Variants in BCAT1 observed in about 807,000 individuals in gnomAD.
BCAT1 encodes the protein branched chain amino acid transaminase 1, also known as branched-chain-amino-acid aminotransferase, cytosolic.
In BCAT1, 48 loss-of-function variants were observed where a neutral mutation model predicts 52.4. The observed-to-expected ratio is 0.92, with a 90% confidence interval of 0.73 to 1.16. The LOEUF is 1.16. BCAT1 is among the 50% of genes most tolerant of loss of function. The pLI, the probability that BCAT1 is intolerant of heterozygous loss-of-function variation, is 0.00. For synonymous variants in BCAT1, 167 were observed against 161.3 expected (o/e 1.04, Z -0.27); for missense variants, 451 against 457.1 (o/e 0.99, Z 0.12).
At chr12:24,876,503 C>G in intron 5 of BCAT1, among the ~76,000 whole-genome samples, 1 of 151,986 alleles carries the variant, frequency 6.6e-6, no homozygotes, top group East Asian at 1.9e-4. Context: ...ATAATCATGT[C>G]AAGAGATTCA....
chr12:24,919,326 C>G lies in BCAT1; in HGVS notation c.7-17441G>C, dbSNP rs368674064. On this transcript the variant is annotated intron_variant, in intron 1 of 10. Transcript: ENST00000261192. The stretch of plus-strand genomic sequence containing the variant: ...ACAGTGAAATGTCCGCAGGACTTTT[C>G]CCAAATCTTATTAAGCCATGAGTTC... Among the ~76,000 whole-genome samples, 8 of 152,292 alleles carry G rather than the reference C, an allele frequency of 5.3e-5. No homozygotes were observed. In the East Asian group the frequency reaches 1.4e-3, roughly 26 times the overall value.
At chr12:24,872,193 A>C (rs1942200090) in intron 5 of BCAT1, among the ~76,000 whole-genome samples, 1 of 152,228 alleles carries the variant, frequency 6.6e-6, no homozygotes, top group East Asian at 1.9e-4. Context: ...ATATGATTAC[A>C]GGCTGAATTG....
At chr12:24,916,118 C>T (rs747267923) in intron 1 of BCAT1, among the ~76,000 whole-genome samples, 1 of 152,164 alleles carries the variant, frequency 6.6e-6, no homozygotes, top group African/African-American at 2.4e-5. Flanking sequence ...AAGATCTCAC[C>T]ACTGCACTCC....
At chr12:24,835,432 C>T (rs1940873453) in intron 8 of BCAT1, among the ~76,000 whole-genome samples, 1 of 152,120 alleles carries the variant, frequency 6.6e-6, no homozygotes, top group Admixed American at 6.5e-5. Context: ...TCTTTGGAGA[C>T]CATTTTAACA....
intron 1 of BCAT1, among the ~76,000 whole-genome samples, chr12:24,942,490 G>T (rs1203978840): frequency 6.7e-6 from 1 of 150,232 alleles, no homozygotes; most frequent in Non-Finnish European, 1.5e-5. Context: ...GTTGCAGTGA[G>T]CCAAAATCAC....
chr12:24,902,975 A>G, intron 1 of BCAT1: 1 of 1,496,136 alleles, frequency 6.7e-7, no homozygotes, highest in Non-Finnish European at 8.9e-7. Flanking sequence ...AGCGGAGCGA[A>G]GCGGGCTGGC....
intron 10 of BCAT1, among the ~76,000 whole-genome samples, chr12:24,828,704 T>A (rs550412322): frequency 1.3e-5 from 2 of 152,114 alleles, no homozygotes; most frequent in East Asian, 1.9e-4. Flanking sequence ...TAGGAAAAAA[T>A]AACTATCTAA....
At chr12:24,920,307 C>T (rs1370673472) in intron 1 of BCAT1, among the ~76,000 whole-genome samples, 1 of 152,146 alleles carries the variant, frequency 6.6e-6, no homozygotes, top group Non-Finnish European at 1.5e-5. Context: ...AATGAATCCA[C>T]AGGAACTCCA....
At chr12:24,844,716 T>A (rs1262096121) in intron 6 of BCAT1, among the ~76,000 whole-genome samples, 1 of 149,894 alleles carries the variant, frequency 6.7e-6, no homozygotes, top group African/African-American at 2.5e-5. Flanking sequence ...GCTAACACGG[T>A]GAAACCTCGT....
At position 24,811,598 on chromosome 12, in the gene BCAT1, C is replaced by T. The variant is rs1383574505; in HGVS notation, c.*6410G>A. On this transcript the variant is annotated 3_prime_UTR_variant, in exon 11 of 11. Transcript: ENST00000261192. ...AGCATGAGGTAGTTTCCTTTACCTA[C>T]GATATTTTCCACATTTCCATTATTA... 2.0e-5 allele frequency: 3 copies of T among 152,112 alleles called. No homozygotes were observed. Among genetic ancestry groups the T allele is most frequent in the Non-Finnish European group, 4.4e-5 (3 of 67,990 alleles). 9.4% of individuals were successfully genotyped at this position (152,112 alleles called of 1,614,324 possible). A position where few individuals can be genotyped will look rare whatever the true frequency, so the allele number is the denominator to read the frequency against.
intron 6 of BCAT1, among the ~76,000 whole-genome samples, chr12:24,842,912 G>T (rs1425695569): frequency 6.6e-6 from 1 of 152,050 alleles, no homozygotes; most frequent in African/African-American, 2.4e-5. Context: ...TACTTTTAAG[G>T]TATCATCTTT....
At chr12:24,925,152 C>T (rs934947412) in intron 1 of BCAT1, among the ~76,000 whole-genome samples, 14 of 152,172 alleles carry the variant, frequency 9.2e-5, no homozygotes, top group Admixed American at 2.0e-4. Flanking sequence ...TTGAGTAAAG[C>T]AGATTGCCCT....
intron 2 of BCAT1, among the ~76,000 whole-genome samples, chr12:24,897,525 C>G (rs2139663468): frequency 6.6e-6 from 1 of 152,236 alleles, no homozygotes; most frequent in South Asian, 2.1e-4. Flanking sequence ...TGATTTGTAC[C>G]TAAGCACTGC....
At position 24,949,041 on chromosome 12, in the gene BCAT1, T is replaced by A; in HGVS notation, c.-109A>T. ...TGCGGCTGCAGAGCGCGGTCCCGGC[T>A]GCAGCAAGACCTGGGGCAGTGCCCG... On this transcript the variant is annotated 5_prime_UTR_variant, in exon 1 of 11. Coordinates refer to ENST00000261192, the MANE Select transcript of BCAT1 (RefSeq NM_005504.7). 4.1e-6 allele frequency: 5 copies of A among 1,218,606 alleles called. No homozygotes were observed. The highest frequency in any genetic ancestry group is 4.2e-5 in the Admixed American group (2 of 47,638). 75.5% of individuals were successfully genotyped at this position (1,218,606 alleles called of 1,614,324 possible). A position where few individuals can be genotyped will look rare whatever the true frequency, so the allele number is the denominator to read the frequency against.
intron 5 of BCAT1, among the ~76,000 whole-genome samples, chr12:24,863,699 G>A (rs1941918027): frequency 1.3e-5 from 2 of 152,186 alleles, no homozygotes; most frequent in African/African-American, 4.8e-5. Context: ...GGAATCCTGG[G>A]GCAGGAGAAT....
chr12:24,844,714 G>A (rs558204161), intron 6 of BCAT1, among the ~76,000 whole-genome samples: 17 of 150,816 alleles, frequency 1.1e-4, no homozygotes, highest in African/African-American at 2.9e-4. Context: ...TGGCTAACAC[G>A]GTGAAACCTC....
At chr12:24,872,425 C>A (rs1358751540) in intron 5 of BCAT1, among the ~76,000 whole-genome samples, 1 of 152,012 alleles carries the variant, frequency 6.6e-6, no homozygotes, top group Non-Finnish European at 1.5e-5. Flanking sequence ...GTAAGATTTC[C>A]CAGGAAGTTG....
intron 1 of BCAT1, chr12:24,902,556 G>T (rs1347592897): frequency 4.0e-6 from 2 of 504,154 alleles, no homozygotes; most frequent in Non-Finnish European, 5.7e-6. Context: ...GAAGGCTGCG[G>T]TCAAAATATT....
At chr12:24,894,870 A>T (rs1440304294) in intron 2 of BCAT1, among the ~76,000 whole-genome samples, 1 of 152,254 alleles carries the variant, frequency 6.6e-6, no homozygotes, top group South Asian at 2.1e-4. Flanking sequence ...GATTTGTTAA[A>T]CTAAAATGAA....
Sources: allele counts gnomAD v4.1 joint callset (sites outside exome capture counted in the v4.1 genomes callset), GRCh38; gene constraint gnomAD v4.1.1; transcripts MANE v1.5; gene names NCBI Gene and HGNC (gene_info 2026-07-23, HGNC 2026-07-21).